The following THADA variants were observed in gnomAD, a reference collection of about 807,000 sequenced individuals.
The protein encoded by THADA is tRNA (32-2'-O)-methyltransferase regulator THADA.
Under a neutral mutation model 219.8 loss-of-function variants are expected in THADA, and 213 were observed. That is an observed-to-expected ratio of 0.97 (90% CI 0.87 to 1.09). THADA has a LOEUF of 1.09. Ranked by LOEUF, THADA falls within the 50% of genes least tolerant of loss-of-function variation. The pLI is 0.00. For synonymous variants in THADA, 1,018 were observed against 828.9 expected, an observed-to-expected ratio of 1.23 and a Z score of -3.92; for missense variants, 2,956 against 2,311.3, an observed-to-expected ratio of 1.28 and a Z score of -5.72.
chr2:43,415,043 T>C (rs761260433), intron 28 of THADA, among the ~76,000 whole-genome samples: 2 of 152,210 alleles, frequency 1.3e-5, no homozygotes, highest in African/African-American at 2.4e-5. Context: ...AGGTGGCAAC[T>C]TGCTTTCTCC....
At chr2:43,429,785 T>C (rs4608575) in intron 27 of THADA, among the ~76,000 whole-genome samples, 68,921 of 151,578 alleles carry the variant, frequency 0.45, 16,687 homozygotes, top group African/African-American at 0.52. Flanking sequence ...GGATTTTACA[T>C]AACTTTTCAG....
At chr2:43,505,881 G>C (rs772155390) in intron 23 of THADA, 146 bp from the exon 24 acceptor site, 1 of 629,214 alleles carries the variant, frequency 1.6e-6, no homozygotes. Flanking sequence ...TGTGGCCGTG[G>C]GCAAGTGGTT....
intron 25 of THADA, among the ~76,000 whole-genome samples, chr2:43,489,324 G>A (rs1327636519): frequency 6.6e-6 from 1 of 152,110 alleles, no homozygotes; most frequent in Admixed American, 6.6e-5. Context: ...GGGACTACAG[G>A]TGCATGTCAC....
intron 4 of THADA, among the ~76,000 whole-genome samples, chr2:43,590,164 T>TGATACAAA (rs1701406575): frequency 1.3e-5 from 2 of 152,228 alleles, no homozygotes; most frequent in South Asian, 4.1e-4. Context: ...TGTATAGTTC[T>TGATACAAA]ATATCATTTG....
chr2:43,546,328 G>GA (rs942476568), intron 20 of THADA, among the ~76,000 whole-genome samples: 3 of 152,002 alleles, frequency 2.0e-5, no homozygotes, highest in Non-Finnish European at 2.9e-5. Flanking sequence ...GTGTGGTGCT[G>GA]AAAAAAATGT....
chr2:43,294,517 G>A (rs1329718744), intron 31 of THADA, among the ~76,000 whole-genome samples: 1 of 152,220 alleles, frequency 6.6e-6, no homozygotes, highest in Non-Finnish European at 1.5e-5. Flanking sequence ...AGGTGGGAAA[G>A]GGCAGGAGAT....
At chr2:43,264,464 T>C (rs1172959906) in intron 36 of THADA, among the ~76,000 whole-genome samples, 1 of 152,108 alleles carries the variant, frequency 6.6e-6, no homozygotes, top group Non-Finnish European at 1.5e-5. Context: ...TTTGTATTTT[T>C]AGTAGAGACG....
chr2:43,376,909 A>G (rs1671442930), intron 29 of THADA, among the ~76,000 whole-genome samples: 1 of 152,204 alleles, frequency 6.6e-6, no homozygotes, highest in Non-Finnish European at 1.5e-5. Context: ...CCAGTGTCAG[A>G]CACTGGGAGT....
At chr2:43,478,263 T>C (rs1252920309) in intron 26 of THADA, among the ~76,000 whole-genome samples, 1 of 152,200 alleles carries the variant, frequency 6.6e-6, no homozygotes, top group East Asian at 1.9e-4. Flanking sequence ...TTCCAAACTG[T>C]ACATTACTCA....
At position 43,479,957 on chromosome 2, in the gene THADA, G is replaced by T. The variant is rs983295181; in HGVS notation, c.3836+5277C>A. ...CTGCTAAAATCAACCTACTATGTGG[G>T]AGATTTGAGATTATTGGTCAACATT... On this transcript the variant is annotated intron_variant, in intron 26 of 37. Coordinates refer to ENST00000405975, the MANE Select transcript of THADA (RefSeq NM_022065.5). Among the ~76,000 whole-genome samples, 6 of 152,340 alleles carry T rather than the reference G, an allele frequency of 3.9e-5. No individual in the cohort carries two copies. In the South Asian group the frequency reaches 1.2e-3, roughly 32 times the overall value.
At chr2:43,270,364 C>A (rs1028226515) in intron 36 of THADA, among the ~76,000 whole-genome samples, 7 of 152,194 alleles carry the variant, frequency 4.6e-5, no homozygotes, top group African/African-American at 1.7e-4. Flanking sequence ...CCTGCCGCCT[C>A]TTGCTGCATC....
At chr2:43,532,030 G>C (rs1045524593) in intron 21 of THADA, among the ~76,000 whole-genome samples, 1 of 151,050 alleles carries the variant, frequency 6.6e-6, no homozygotes, top group African/African-American at 2.4e-5. Context: ...AACAAGATAA[G>C]GGTTCCTACT....
intron 29 of THADA, chr2:43,371,855 AT>A (rs927807734): frequency 6.6e-6 from 1 of 152,094 alleles, no homozygotes; most frequent in Non-Finnish European, 1.5e-5. Flanking sequence ...AAAAAAAAAA[AT>A]CACTTGCCAT....
At chr2:43,458,946 TA>T (rs1015727403) in intron 26 of THADA, among the ~76,000 whole-genome samples, 35 of 150,492 alleles carry the variant, frequency 2.3e-4, no homozygotes, top group African/African-American at 6.1e-4. Flanking sequence ...ATCTTCAAAA[TA>T]AAAAAAAAAT....
At chr2:43,255,688 A>G (rs529232949) in intron 36 of THADA, among the ~76,000 whole-genome samples, 1 of 152,204 alleles carries the variant, frequency 6.6e-6, no homozygotes, top group East Asian at 1.9e-4. Context: ...GGCCTCTAAT[A>G]TTTGGTTTCC....
chr2:43,437,395 G>A (rs1466722465), intron 26 of THADA, among the ~76,000 whole-genome samples: 1 of 152,188 alleles, frequency 6.6e-6, no homozygotes, highest in East Asian at 1.9e-4. Context: ...AGACCCTGTT[G>A]GTTTCTGGGA....
chr2:43,380,772 T>C (rs542502746), intron 29 of THADA, among the ~76,000 whole-genome samples: 1 of 152,228 alleles, frequency 6.6e-6, no homozygotes, highest in South Asian at 2.1e-4. Flanking sequence ...AAAGGGAACA[T>C]ACAAGGTGAG....
intron 36 of THADA, among the ~76,000 whole-genome samples, chr2:43,240,942 C>T (rs1668555958): frequency 6.6e-6 from 1 of 152,218 alleles, no homozygotes; most frequent in Non-Finnish European, 1.5e-5. Context: ...GGGTGCAGCA[C>T]CAGGACTATG....
At chr2:43,586,667 C>T (rs370770965) in intron 6 of THADA, 35 bp downstream of exon 6, 6 of 1,595,652 alleles carry the variant, frequency 3.8e-6, no homozygotes, top group Non-Finnish European at 8.5e-7. Flanking sequence ...TACAAGCCAT[C>T]AACTCATGGA....
Sources: gnomAD v4.1 joint callset for allele counts (sites outside exome capture counted in the v4.1 genomes callset) on GRCh38, gnomAD v4.1.1 for gene constraint, MANE v1.5 for transcripts, NCBI Gene and HGNC (gene_info 2026-07-23, HGNC 2026-07-21) for gene names.